PACRG: variants seen among roughly 807,000 people sequenced by gnomAD.
The protein encoded by PACRG is parkin coregulated gene protein.
In PACRG, 29 loss-of-function variants were observed where a neutral mutation model predicts 29.7. The ratio of observed to expected loss-of-function variants is 0.98; its 90% confidence interval spans 0.73 to 1.33. PACRG has a LOEUF of 1.33. Ranked by LOEUF, PACRG falls within the 40% of genes most tolerant of loss-of-function variation. The pLI, the probability that PACRG is intolerant of heterozygous loss-of-function variation, is 0.00. For synonymous variants in PACRG, 116 were observed against 118.7 expected (o/e 0.98, Z 0.15); for missense variants, 279 against 316.2 (o/e 0.88, Z 0.89).
At chr6:162,823,824 A>G (rs1788050394) in intron 2 of PACRG, among the ~76,000 whole-genome samples, 1 of 151,852 alleles carries the variant, frequency 6.6e-6, no homozygotes. Flanking sequence ...GAGCTTTCTT[A>G]TGTTTTCTAT....
intron 4 of PACRG, among the ~76,000 whole-genome samples, chr6:163,123,272 A>C (rs1250311482): frequency 6.6e-6 from 1 of 152,194 alleles, no homozygotes; most frequent in Admixed American, 6.5e-5. Context: ...GATGTCCTGC[A>C]CACGTGGTGT....
chr6:162,798,298 A>C (rs1212663988), intron 1 of PACRG, among the ~76,000 whole-genome samples: 1 of 152,082 alleles, frequency 6.6e-6, no homozygotes, highest in East Asian at 1.9e-4. Context: ...ATGTGAAGGG[A>C]CTTTTACTGG....
intron 1 of PACRG, 149 bp downstream of exon 1, chr6:162,728,540 C>T (rs1366548065): frequency 1.9e-5 from 17 of 911,504 alleles, no homozygotes; most frequent in Non-Finnish European, 2.8e-5. Flanking sequence ...GCAAACGGTG[C>T]CCCACAGTGT....
chr6:163,177,710 A>ATTTTTTTTTTTTTTT (rs398003265), intron 4 of PACRG, among the ~76,000 whole-genome samples: 1,497 of 53,740 alleles, frequency 0.028, 391 homozygotes, highest in South Asian at 0.04. Flanking sequence ...TAGAAAAGGG[A>ATTTTTTTTTTTTTTT]TTTTTTTTTT....
At chr6:163,121,838 A>G (rs1311234787) in intron 4 of PACRG, among the ~76,000 whole-genome samples, 1 of 151,134 alleles carries the variant, frequency 6.6e-6, no homozygotes, top group African/African-American at 2.4e-5. Context: ...AATTTTTTGT[A>G]TTTTTAGTAG....
intron 2 of PACRG, among the ~76,000 whole-genome samples, chr6:162,850,488 C>T (rs1217572881): frequency 1.3e-5 from 2 of 152,116 alleles, no homozygotes; most frequent in African/African-American, 4.8e-5. Context: ...TTCAGCCCTA[C>T]CCCTGAACCC....
chr6:163,308,545 A>T (rs1280631789), intron 4 of PACRG, among the ~76,000 whole-genome samples: 1 of 152,122 alleles, frequency 6.6e-6, no homozygotes, highest in Non-Finnish European at 1.5e-5. Flanking sequence ...GCACACCTGT[A>T]ATCCCAGCTA....
chr6:163,050,032 A>G (rs1434078048), intron 2 of PACRG, among the ~76,000 whole-genome samples: 2 of 152,080 alleles, frequency 1.3e-5, no homozygotes, highest in Non-Finnish European at 2.9e-5. Context: ...CTAATTCAGA[A>G]CTGAAGGACA....
At chr6:162,792,718 G>A (rs966393199) in intron 1 of PACRG, among the ~76,000 whole-genome samples, 3 of 152,320 alleles carry the variant, frequency 2.0e-5, no homozygotes, top group African/African-American at 7.2e-5. Flanking sequence ...GTTAGAGCAA[G>A]AAGAGGTGAA....
In PACRG at chr6:163,284,113, C is replaced by CA. The variant is rs577721431; in HGVS notation, c.614-30703dup. 3.1e-3 allele frequency among the ~76,000 whole-genome samples: 439 copies of CA among 143,544 alleles called. 3 individuals are homozygous for CA. The highest frequency in any genetic ancestry group is 0.013 in the South Asian group (59 of 4,574). 94.2% of individuals were successfully genotyped at this position (143,544 alleles called of 152,430 possible). A position where few individuals can be genotyped will look rare whatever the true frequency, so the allele number is the denominator to read the frequency against. ...GGGCAACAAGAGCAAAACTCTGTCT[C>CA]AAAAAAAAAAATTAAATAGGGTTTA... On this transcript the variant is annotated intron_variant, in intron 4 of 4. Coordinates refer to ENST00000366888, the MANE Select transcript of PACRG (RefSeq NM_001080379.2).
At chr6:162,899,825 G>T (rs1795428911) in intron 2 of PACRG, among the ~76,000 whole-genome samples, 1 of 152,132 alleles carries the variant, frequency 6.6e-6, no homozygotes, top group Non-Finnish European at 1.5e-5. Context: ...GTTTATTGAG[G>T]TATTTACTTT....
chr6:162,803,666 A>G (rs1786070617), intron 1 of PACRG, among the ~76,000 whole-genome samples: 2 of 152,232 alleles, frequency 1.3e-5, no homozygotes, highest in African/African-American at 4.8e-5. Context: ...AAGATCTCAT[A>G]CAAATTAACA....
At chr6:162,840,163 G>T (rs1789631050) in intron 2 of PACRG, among the ~76,000 whole-genome samples, 1 of 102,764 alleles carries the variant, frequency 9.7e-6, no homozygotes, top group African/African-American at 4.1e-5. Context: ...GGATGGCATT[G>T]AATCTGTAAA....
intron 2 of PACRG, among the ~76,000 whole-genome samples, chr6:162,950,414 A>C (rs974125509): frequency 6.6e-6 from 1 of 152,182 alleles, no homozygotes; most frequent in South Asian, 2.1e-4. Context: ...AGGCTGAGGC[A>C]GGAGAATGGC....
intron 2 of PACRG, among the ~76,000 whole-genome samples, chr6:162,924,777 AT>A (rs1797310438): frequency 6.6e-6 from 1 of 152,132 alleles, no homozygotes; most frequent in Non-Finnish European, 1.5e-5. Flanking sequence ...GAGCAAACAA[AT>A]CCAAAAGCTA....
intron 4 of PACRG, among the ~76,000 whole-genome samples, chr6:163,155,161 C>G (rs1332277878): frequency 6.6e-6 from 1 of 152,146 alleles, no homozygotes; most frequent in Non-Finnish European, 1.5e-5. Context: ...TGACTGGGTC[C>G]CCTTTGGGCA....
rs9458776 is a variant in PACRG, at chr6:163,285,845, C to T, written c.614-28982C>T. 6.8e-3 allele frequency among the ~76,000 whole-genome samples: 1,036 copies of T among 152,248 alleles called. 13 individuals are homozygous for T. Among genetic ancestry groups the T allele is most frequent in the African/African-American group, 0.023 (966 of 41,510 alleles). On this transcript the variant is annotated intron_variant, in intron 4 of 4. Coordinates refer to ENST00000366888, the MANE Select transcript of PACRG (RefSeq NM_001080379.2). ...CATTGCCCACAGTAGGTGCACCATC[C>T]GCCTCGACCGGTTTGATTTGACTGT...
chr6:163,237,104 C>A (rs1461922959), intron 4 of PACRG, among the ~76,000 whole-genome samples: 1 of 152,132 alleles, frequency 6.6e-6, no homozygotes, highest in Non-Finnish European at 1.5e-5. Flanking sequence ...CAAACTATAT[C>A]ATTGATGGTT....
intron 1 of PACRG, among the ~76,000 whole-genome samples, chr6:162,746,151 G>T (rs1780970964): frequency 6.6e-6 from 1 of 152,042 alleles, no homozygotes. Flanking sequence ...AATCTACAGA[G>T]AAATATATTT....
Sources: allele counts gnomAD v4.1 joint callset (sites outside exome capture counted in the v4.1 genomes callset), GRCh38; gene constraint gnomAD v4.1.1; transcripts MANE v1.5; gene names NCBI Gene and HGNC (gene_info 2026-07-23, HGNC 2026-07-21).